The following CCBE1 variants were observed in gnomAD, a reference collection of about 807,000 sequenced individuals.
The protein encoded by CCBE1 is collagen and calcium-binding EGF domain-containing protein 1.
Under a neutral mutation model 50.0 loss-of-function variants are expected in CCBE1, and 37 were observed. The ratio of observed to expected loss-of-function variants is 0.74; its 90% CI spans 0.57 to 0.97. CCBE1 has a LOEUF of 0.97. Ranked by LOEUF, CCBE1 falls within the 50% of genes least tolerant of loss-of-function variation. The pLI is 0.00. For missense variants in CCBE1, 538 were observed against 523.8 expected (o/e 1.03, Z -0.26); for synonymous variants, 234 against 203.7 (o/e 1.15, Z -1.27).
At chr18:59,578,119 A>T (rs531498403) in intron 2 of CCBE1, among the ~76,000 whole-genome samples, 33 of 152,300 alleles carry the variant, frequency 2.2e-4, no homozygotes, top group African/African-American at 7.7e-4. Flanking sequence ...AAGAAAAAAA[A>T]CCCCATCAAA....
In CCBE1 at chr18:59,431,919, AG is replaced by A. The variant is rs920474076; in HGVS notation, c.*3988del. On this transcript the variant is annotated 3_prime_UTR_variant, in exon 11 of 11. Coordinates refer to ENST00000439986, the MANE Select transcript of CCBE1 (RefSeq NM_133459.4). ...TTTCTCCCTCTGGAACTGGGAAGGG[AG>A]GGGGGTTTCCTAAACTAAAATGCAT... 1 of 152,254 alleles carries A rather than the reference AG, an allele frequency of 6.6e-6. No homozygotes were observed. The allele number at this position is 152,254 out of a possible 1,614,324, so 9.4% of individuals were successfully genotyped here.
intron 5 of CCBE1, among the ~76,000 whole-genome samples, chr18:59,459,500 A>T (rs1278767434): frequency 1.3e-5 from 2 of 152,086 alleles, no homozygotes; most frequent in African/African-American, 4.8e-5. Context: ...ATCACTTAAC[A>T]TTTTTTCTTC....
At chr18:59,485,605 T>TA (rs1408268279) in intron 2 of CCBE1, among the ~76,000 whole-genome samples, 1 of 150,396 alleles carries the variant, frequency 6.6e-6, no homozygotes, top group African/African-American at 2.4e-5. Context: ...TTTATTTATT[T>TA]ATTTATTTAT....
intron 2 of CCBE1, among the ~76,000 whole-genome samples, chr18:59,674,272 T>C (rs547132648): frequency 3.3e-5 from 5 of 152,282 alleles, no homozygotes; most frequent in African/African-American, 1.2e-4. Flanking sequence ...GTGGCACATA[T>C]ACACCATGGA....
At position 59,578,715 on chromosome 18, in the gene CCBE1, G is replaced by A. The variant is rs554273011; in HGVS notation, c.213-98477C>T. 1.1e-4 allele frequency among the ~76,000 whole-genome samples: 16 copies of A among 152,262 alleles called. No individual in the cohort carries two copies. The South Asian group carries it at 3.1e-3, about 30-fold the overall frequency. On this transcript the variant is annotated intron_variant, in intron 2 of 10. Coordinates refer to ENST00000439986, the MANE Select transcript of CCBE1 (RefSeq NM_133459.4). ...GGAACAGAAAACCACTGAAAACACT[G>A]CATGTTTTCACTTATAAGTGGGAGT...
chr18:59,627,019 T>C (rs1283352540), intron 2 of CCBE1, among the ~76,000 whole-genome samples: 2 of 152,250 alleles, frequency 1.3e-5, no homozygotes, highest in African/African-American at 4.8e-5. Flanking sequence ...TTCATGTTGA[T>C]TTAGTTGATG....
intron 2 of CCBE1, among the ~76,000 whole-genome samples, chr18:59,650,371 A>G (rs1443496460): frequency 6.7e-6 from 1 of 149,956 alleles, no homozygotes; most frequent in Non-Finnish European, 1.5e-5. Context: ...CTCTAGAGTG[A>G]CCCCCTTCCT....
chr18:59,511,392 C>T (rs145955635), intron 2 of CCBE1, among the ~76,000 whole-genome samples: 31 of 152,336 alleles, frequency 2.0e-4, no homozygotes, highest in African/African-American at 7.5e-4. Flanking sequence ...TTGCCCACAT[C>T]ACACTTTAGA....
chr18:59,545,084 A>C (rs1346761515), intron 2 of CCBE1, among the ~76,000 whole-genome samples: 1 of 152,224 alleles, frequency 6.6e-6, no homozygotes, highest in African/African-American at 2.4e-5. Flanking sequence ...TAATTTTTCC[A>C]GAATAGAAAA....
chr18:59,538,958 G>A (rs1258434699), intron 2 of CCBE1, among the ~76,000 whole-genome samples: 3 of 152,112 alleles, frequency 2.0e-5, no homozygotes, highest in East Asian at 1.9e-4. Context: ...CAGGAGGACC[G>A]CTTGAGGCCA....
In CCBE1 at chr18:59,435,402, C is replaced by T. The variant is rs563567883; in HGVS notation, c.*506G>A. 1.1e-4 allele frequency: 18 copies of T among 164,260 alleles called. No individual in the cohort carries two copies. The highest frequency in any genetic ancestry group is 1.7e-4 in the Admixed American group (3 of 17,406). The allele number at this position is 164,260 out of a possible 1,614,324, so 10.2% of individuals were successfully genotyped here. ...AGAAGCACAAGGAAAAAATTCTCCA[C>T]CAAAGCACATCGACACGTTTGTCCT... On this transcript the variant is annotated 3_prime_UTR_variant, in exon 11 of 11. Transcript: ENST00000439986.
chr18:59,568,972 C>A (rs1411018789), intron 2 of CCBE1, among the ~76,000 whole-genome samples: 2 of 152,242 alleles, frequency 1.3e-5, no homozygotes, highest in African/African-American at 4.8e-5. Flanking sequence ...TGTGCTCTCA[C>A]CCACTACCTT....
intron 2 of CCBE1, among the ~76,000 whole-genome samples, chr18:59,645,466 C>T (rs2054043558): frequency 6.6e-6 from 1 of 152,148 alleles, no homozygotes; most frequent in Non-Finnish European, 1.5e-5. Flanking sequence ...AGAATCAGTC[C>T]TGTAGAAGCC....
chr18:59,568,250 A>C (rs191400885), intron 2 of CCBE1: 1 of 151,556 alleles, frequency 6.6e-6, no homozygotes, highest in South Asian at 2.1e-4. Context: ...CATGTGCCCT[A>C]TAAGAAGATA....
chr18:59,681,011 A>G (rs2054582431), intron 2 of CCBE1, among the ~76,000 whole-genome samples: 1 of 151,972 alleles, frequency 6.6e-6, no homozygotes. Flanking sequence ...GGGTTATTCA[A>G]GAGAAGCCTC....
rs144492880 is a variant in CCBE1, at chr18:59,483,566, G to C, written c.213-3328C>G. 8.3e-4 allele frequency among the ~76,000 whole-genome samples: 127 copies of C among 152,260 alleles called. 1 individual carries two copies. The East Asian group carries it at 0.013, about 15-fold the overall frequency. On this transcript the variant is annotated intron_variant, in intron 2 of 10. Coordinates refer to ENST00000439986, the MANE Select transcript of CCBE1 (RefSeq NM_133459.4). ...ATTAACATTCCTAGGAGAAACTTAA[G>C]TAATCTCCTCCTGAAACAAAATTTA...
chr18:59,535,651 G>A (rs937712035), intron 2 of CCBE1, among the ~76,000 whole-genome samples: 6 of 152,104 alleles, frequency 3.9e-5, no homozygotes, highest in African/African-American at 1.4e-4. Context: ...ATGTTCAACA[G>A]AATATGTAAA....
At chr18:59,455,393 T>G (rs1387301714) in intron 5 of CCBE1, among the ~76,000 whole-genome samples, 1 of 152,122 alleles carries the variant, frequency 6.6e-6, no homozygotes, top group Non-Finnish European at 1.5e-5. Context: ...GCTAATCCAG[T>G]TCTTCAAAGG....
At chr18:59,604,652 G>A (rs982332002) in intron 2 of CCBE1, among the ~76,000 whole-genome samples, 2 of 152,200 alleles carry the variant, frequency 1.3e-5, no homozygotes, top group African/African-American at 4.8e-5. Context: ...AGTAAAGAAG[G>A]AAATTTCCAT....
Sources: gnomAD v4.1 joint callset for allele counts (sites outside exome capture counted in the v4.1 genomes callset) on GRCh38, gnomAD v4.1.1 for gene constraint, MANE v1.5 for transcripts, NCBI Gene and HGNC (gene_info 2026-07-23, HGNC 2026-07-21) for gene names.